The following PRKAG2 variants were observed in gnomAD, a reference collection of about 807,000 sequenced individuals.
PRKAG2 encodes 5'-AMP-activated protein kinase subunit gamma-2.
A neutral mutation model predicts 69.6 loss-of-function variants in PRKAG2; 26 were observed. That is an observed-to-expected ratio of 0.37 (90% CI 0.27 to 0.52). The LOEUF is 0.52. PRKAG2 is among the 20% of genes least tolerant of loss of function. PRKAG2 has a pLI of 0.90. For missense variants in PRKAG2, 557 were observed against 740.0 expected (o/e 0.75, Z 2.87); for synonymous variants, 293 against 285.0 (o/e 1.03, Z -0.28).
rs146005409 is a variant in PRKAG2, at chr7:151,669,665, A to G, written c.684+5755T>C. 1.8e-3 allele frequency among the ~76,000 whole-genome samples: 263 copies of G among 144,480 alleles called. 1 individual carries two copies. The highest frequency in any genetic ancestry group is 6.4e-3 in the African/African-American group (252 of 39,574). 94.8% of individuals were successfully genotyped at this position (144,480 alleles called of 152,430 possible). On this transcript the variant is annotated intron_variant, in intron 4 of 15. Transcript: ENST00000287878. Reference sequence around the variant, plus strand: ...AGTTCCAGCTCCAGACTCAATATCCACTTGCCCTTTGGGCACCTCGACTTA... The same window carrying G: ...AGTTCCAGCTCCAGACTCAATATCCGCTTGCCCTTTGGGCACCTCGACTTA...
chr7:151,854,470 C>T (rs1384892432), intron 1 of PRKAG2, among the ~76,000 whole-genome samples: 1 of 152,230 alleles, frequency 6.6e-6, no homozygotes, highest in Non-Finnish European at 1.5e-5. Context: ...CAGGACGCAG[C>T]CTTCCCCCAC....
At chr7:151,830,663 G>T (rs73160039) in intron 1 of PRKAG2, among the ~76,000 whole-genome samples, 2 of 151,610 alleles carry the variant, frequency 1.3e-5, no homozygotes, top group African/African-American at 4.8e-5. Flanking sequence ...CCCCGGGGGC[G>T]GGGGGAAGAG....
chr7:151,848,483 T>C (rs1356494434), intron 1 of PRKAG2, among the ~76,000 whole-genome samples: 8 of 142,524 alleles, frequency 5.6e-5, no homozygotes, highest in Non-Finnish European at 1.5e-5. Context: ...GTTATAGCAG[T>C]ACAAACAGAT....
chr7:151,730,207 C>T (rs1438077257), intron 3 of PRKAG2, among the ~76,000 whole-genome samples: 1 of 152,182 alleles, frequency 6.6e-6, no homozygotes, highest in African/African-American at 2.4e-5. Context: ...CTCACCAGGC[C>T]GTGTGGCCCC....
chr7:151,847,322 T>A (rs2079455491), intron 1 of PRKAG2, among the ~76,000 whole-genome samples: 1 of 152,198 alleles, frequency 6.6e-6, no homozygotes, highest in South Asian at 2.1e-4. Flanking sequence ...AATTTTCCTC[T>A]GGCCAAGGGT....
chr7:151,725,477 G>A (rs1258037961), intron 3 of PRKAG2, among the ~76,000 whole-genome samples: 4 of 151,778 alleles, frequency 2.6e-5, no homozygotes, highest in African/African-American at 9.7e-5. Context: ...ACAGCCACGT[G>A]CGTGTACTTA....
Position 151,557,181 on chromosome 7 carries a change from G to A in PRKAG2, c.*20C>T, listed in dbSNP as rs1254499251. On this transcript the variant is annotated 3_prime_UTR_variant, in exon 16 of 16. Transcript: ENST00000287878. ...GACTTTGTTCAAGTTCTCCTCCTAG[G>A]GCGTCTACATTCACGGCGGTCACTC... The A allele has an allele frequency of 1.2e-6, 2 of 1,614,078 alleles. No individual in the cohort carries two copies. Among genetic ancestry groups the A allele is most frequent in the South Asian group, 2.2e-5 (2 of 91,074 alleles).
At chr7:151,786,919 G>C (rs902899302) in intron 1 of PRKAG2, among the ~76,000 whole-genome samples, 2 of 152,248 alleles carry the variant, frequency 1.3e-5, no homozygotes, top group Non-Finnish European at 2.9e-5. Context: ...TGGGTCCAGG[G>C]ACATGTGTCT....
intron 3 of PRKAG2, among the ~76,000 whole-genome samples, chr7:151,766,325 T>C (rs1174442970): frequency 6.6e-6 from 1 of 151,806 alleles, no homozygotes; most frequent in Non-Finnish European, 1.5e-5. Context: ...AGAAGTGAGG[T>C]GGGGGAGAAA....
At chr7:151,753,574 T>C (rs530801059) in intron 3 of PRKAG2, among the ~76,000 whole-genome samples, 1 of 152,278 alleles carries the variant, frequency 6.6e-6, no homozygotes, top group South Asian at 2.1e-4. Context: ...AATAAAATGT[T>C]ATTTATTATT....
At chr7:151,600,776 T>A (rs143348366) in intron 5 of PRKAG2, among the ~76,000 whole-genome samples, 29 of 152,280 alleles carry the variant, frequency 1.9e-4, no homozygotes, top group African/African-American at 7.0e-4. Context: ...CTCCTTGACT[T>A]TTCCTTGTTC....
At chr7:151,591,649 G>A (rs893568777) in intron 6 of PRKAG2, among the ~76,000 whole-genome samples, 6 of 152,166 alleles carry the variant, frequency 3.9e-5, no homozygotes, top group African/African-American at 1.2e-4. Flanking sequence ...CTCTGACACC[G>A]GTACTGAGTG....
At chr7:151,755,830 G>A (rs562811092) in intron 3 of PRKAG2, among the ~76,000 whole-genome samples, 6 of 152,294 alleles carry the variant, frequency 3.9e-5, no homozygotes, top group South Asian at 4.1e-4. Context: ...CGGGGGCCAC[G>A]GCCCCTCACG....
chr7:151,842,224 GTGA>G (rs1388283282), intron 1 of PRKAG2, among the ~76,000 whole-genome samples: 2 of 126,318 alleles, frequency 1.6e-5, no homozygotes. Flanking sequence ...ATGGTAGGTA[GTGA>G]TGATGGTAGC....
chr7:151,741,789 T>A (rs376189188), intron 3 of PRKAG2, among the ~76,000 whole-genome samples: 1 of 152,200 alleles, frequency 6.6e-6, no homozygotes. Context: ...TGCTTGAGTT[T>A]AAATGGTCAT....
At chr7:151,842,595 A>T (rs1197151591) in intron 1 of PRKAG2, among the ~76,000 whole-genome samples, 11 of 135,838 alleles carry the variant, frequency 8.1e-5, no homozygotes, top group African/African-American at 3.1e-4. Flanking sequence ...GATGGTAGGT[A>T]GGGATGGTAG....
intron 4 of PRKAG2, among the ~76,000 whole-genome samples, chr7:151,654,792 G>A (rs959707572): frequency 8.5e-5 from 13 of 152,140 alleles, no homozygotes; most frequent in East Asian, 5.8e-4. Context: ...TCCTGGATTC[G>A]AGCTGTTCTC....
At chr7:151,619,673 A>G (rs1446620551) in intron 5 of PRKAG2, among the ~76,000 whole-genome samples, 1 of 152,234 alleles carries the variant, frequency 6.6e-6, no homozygotes, top group Non-Finnish European at 1.5e-5. Flanking sequence ...TTGAGTCCTC[A>G]TCCCCAAGAT....
intron 3 of PRKAG2, among the ~76,000 whole-genome samples, chr7:151,753,018 G>A (rs1039851688): frequency 2.6e-5 from 4 of 152,260 alleles, no homozygotes; most frequent in Admixed American, 6.5e-5. Context: ...GGCAGCCCAC[G>A]GATGGGTGGG....
Sources: allele counts gnomAD v4.1 joint callset (sites outside exome capture counted in the v4.1 genomes callset), GRCh38; gene constraint gnomAD v4.1.1; transcripts MANE v1.5; gene names NCBI Gene and HGNC (gene_info 2026-07-23, HGNC 2026-07-21).